JSRP1: variants seen among roughly 807,000 people sequenced by gnomAD.
The protein encoded by JSRP1 is 2310032K21Rik.
Under a neutral mutation model 21.4 loss-of-function variants are expected in JSRP1, and 29 were observed. The ratio of observed to expected loss-of-function variants is 1.36; its 90% confidence interval spans 1.01 to 1.85. The LOEUF (loss-of-function observed/expected upper bound fraction) is 1.85, where lower values mean the gene tolerates loss of function less well. JSRP1 is among the 40% of genes most tolerant of loss of function. The pLI is 0.00. For missense variants in JSRP1, 531 were observed against 461.5 expected (o/e 1.15, Z -1.38); for synonymous variants, 221 against 206.1 (o/e 1.07, Z -0.62).
rs2025084192 is a variant in JSRP1, at chr19:2,252,952, AC to A, written c.487del (p.Val163SerfsTer66). The A allele has an allele frequency of 1.4e-5, 23 of 1,609,896 alleles. No homozygotes were observed. Among genetic ancestry groups the A allele is most frequent in the Non-Finnish European group, 2.0e-5 (23 of 1,178,720 alleles). ...CTCCCTCGGGGCTGAGCTTGGCGGG[AC>A]CCAGGGCTCGGGCACACGTGCTTGG... ...ALQARVPEPW[V>X]PPSSAPREPS... On this transcript the variant is annotated frameshift_variant, in exon 6 of 7. Coordinates refer to ENST00000300961, the MANE Select transcript of JSRP1 (RefSeq NM_144616.4). LOFTEE classifies it low-confidence loss of function (END_TRUNC).
rs1440651594 is a variant in JSRP1 at position 2,252,797 on chromosome 19, C to G, written c.529-1G>C. The G allele has an allele frequency of 1.2e-6, 2 of 1,609,806 alleles. No individual in the cohort carries two copies. Among genetic ancestry groups the G allele is most frequent in the African/African-American group, 2.7e-5 (2 of 74,668 alleles). ...GAGGCGCCTGGGCCTCGAACTTAGG[C>G]TGCAAGACAGAGTGGGGTCCTGGGG... is the stretch of plus-strand genomic sequence containing the variant. On this transcript the variant is annotated splice_acceptor_variant, in intron 6 of 6. Coordinates refer to ENST00000300961, the MANE Select transcript of JSRP1 (RefSeq NM_144616.4). LOFTEE classifies it high-confidence loss of function.
rs908588687 is a variant in JSRP1, at chr19:2,256,410, G to C, written c.-58C>G. ...GCCAGCCGCTTTGCTGAGCCTTGTGGACAGGACGGAGGATGGGGAGGGTGG... is the reference window on the plus strand; with the variant it reads ...GCCAGCCGCTTTGCTGAGCCTTGTGCACAGGACGGAGGATGGGGAGGGTGG... On this transcript the variant is annotated 5_prime_UTR_variant, in exon 1 of 7. Coordinates refer to ENST00000300961, the MANE Select transcript of JSRP1 (RefSeq NM_144616.4). The C allele has an allele frequency of 6.6e-6, 1 of 152,402 alleles. No homozygotes were observed. The highest frequency in any genetic ancestry group is 2.4e-5 in the African/African-American group (1 of 41,462). 9.4% of individuals were successfully genotyped at this position (152,402 alleles called of 1,614,324 possible).
intron 5 of JSRP1, 134 bp downstream of exon 5, chr19:2,253,486 T>C: frequency 1.2e-6 from 1 of 866,802 alleles, no homozygotes; most frequent in Non-Finnish European, 1.6e-6. Flanking sequence ...CAAACCAACT[T>C]TGGGGGCGTG....
intron 1 of JSRP1, among the ~76,000 whole-genome samples, chr19:2,255,973 A>G (rs2025140618): frequency 6.6e-6 from 1 of 152,202 alleles, no homozygotes; most frequent in African/African-American, 2.4e-5. Context: ...CCTGACACAG[A>G]GTACCCTGCC....
intron 1 of JSRP1, among the ~76,000 whole-genome samples, chr19:2,256,101 C>A (rs2025143214): frequency 6.6e-6 from 1 of 152,186 alleles, no homozygotes; most frequent in African/African-American, 2.4e-5. Flanking sequence ...TCTTCAGGGT[C>A]CCCATGGCCT....
chr19:2,252,985 G>A lies in JSRP1; in HGVS notation c.455C>T (p.Ala152Val). The A allele has an allele frequency of 6.2e-7, 1 of 1,605,400 alleles. No individual in the cohort carries two copies. Among genetic ancestry groups the A allele is most frequent in the Non-Finnish European group, 8.5e-7 (1 of 1,176,478 alleles). Residue 152 changes from alanine to valine, a missense_variant, in exon 6 of 7, where the codon GCA becomes GTA. Transcript: ENST00000300961. ...CTCGGGCACACGTGCTTGGAGTGCT[G>A]CCTCCCCAGGGACGGCGTCTGCAGC... ...QLCRDAVPGEAALQARVPEPW... is the reference protein window; with the variant it reads ...QLCRDAVPGEVALQARVPEPW...
chr19:2,254,914 T>C (rs948778218), intron 2 of JSRP1, among the ~76,000 whole-genome samples: 1 of 151,372 alleles, frequency 6.6e-6, no homozygotes, highest in African/African-American at 2.4e-5. Context: ...TAAAAATATA[T>C]AAAAATATAA....
At chr19:2,253,555 C>A in intron 5 of JSRP1, 65 bp downstream of exon 5, 1 of 1,362,766 alleles carries the variant, frequency 7.3e-7, no homozygotes, top group South Asian at 1.6e-5. Flanking sequence ...CAGCGCCTTT[C>A]CTTGGAGGAA....
rs987474471 is a variant in JSRP1 at position 2,253,661 on chromosome 19, G to T, written c.395C>A (p.Ser132Ter). The T allele has an allele frequency of 8.0e-6, 12 of 1,507,894 alleles. No homozygotes were observed. The Admixed American group carries it at 2.5e-4, about 32-fold the overall frequency. The allele number at this position is 1,507,894 out of a possible 1,614,324, so 93.4% of individuals were successfully genotyped here. A position where few individuals can be genotyped will look rare whatever the true frequency, so the allele number is the denominator to read the frequency against. Reference sequence around the variant, plus strand: ...AGCCGAGCCCAGCAGCGCCACCAGCGAGGCGAGCACCAGGCACTTGTTGAG... The same window carrying T: ...AGCCGAGCCCAGCAGCGCCACCAGCTAGGCGAGCACCAGGCACTTGTTGAG... ...LSLNKCLVLASLVALLGSAFQ... is the reference protein window; with the variant it reads ...LSLNKCLVLA Residue 132 changes from serine to a stop codon, truncating the protein, a stop_gained, in exon 5 of 7, where the codon TCG (serine) becomes TAG (stop). Transcript: ENST00000300961. LOFTEE classifies it high-confidence loss of function.
chr19:2,253,671 C>A lies in JSRP1; in HGVS notation c.385G>T (p.Val129Leu). The A allele has an allele frequency of 6.6e-7, 1 of 1,509,834 alleles. No individual in the cohort carries two copies. Among genetic ancestry groups the A allele is most frequent in the Non-Finnish European group, 8.8e-7 (1 of 1,136,052 alleles). The allele number at this position is 1,509,834 out of a possible 1,614,324, so 93.5% of individuals were successfully genotyped here. A position where few individuals can be genotyped will look rare whatever the true frequency, so the allele number is the denominator to read the frequency against. Reference protein sequence around the residue: ...WGDLSLNKCLVLASLVALLGS... With the variant: ...WGDLSLNKCLLLASLVALLGS... ...AGCAGCGCCACCAGCGAGGCGAGCA[C>A]CAGGCACTTGTTGAGCGACAGGTCT... The change falls in exon 5 of 7, where the codon GTG becomes TTG. Residue 129 changes from valine to leucine, a missense_variant. Coordinates refer to ENST00000300961, the MANE Select transcript of JSRP1 (RefSeq NM_144616.4).
rs1043971302 is a variant in JSRP1 at position 2,252,326 on chromosome 19, G to A, written c.*3C>T. Reference sequence around the variant, plus strand: ...GGCCCCTGGACTCCGGCGCGGGGCCGGCTCAGTCCCGCCCCTTGCCTGCGC... The same window carrying A: ...GGCCCCTGGACTCCGGCGCGGGGCCAGCTCAGTCCCGCCCCTTGCCTGCGC... On this transcript the variant is annotated 3_prime_UTR_variant, in exon 7 of 7. Transcript: ENST00000300961. 3 of 1,462,024 alleles carry A rather than the reference G, an allele frequency of 2.1e-6. No homozygotes were observed. The highest frequency in any genetic ancestry group is 2.7e-6 in the Non-Finnish European group (3 of 1,113,118). 90.6% of individuals were successfully genotyped at this position (1,462,024 alleles called of 1,614,324 possible).
At position 2,252,719 on chromosome 19, in the gene JSRP1, G is replaced by A. The variant is rs1461219362; in HGVS notation, c.606C>T (p.Pro202=). The A allele has an allele frequency of 6.2e-7, 1 of 1,612,490 alleles. No individual in the cohort carries two copies. The highest frequency in any genetic ancestry group is 8.5e-7 in the Non-Finnish European group (1 of 1,179,932). Residue 202 remains proline, a synonymous_variant, in exon 7 of 7, where the codon CCC becomes CCT. Transcript: ENST00000300961. The part of the protein sequence containing the change: ...RAEAEVRPKI[P]GSREAAENDE... ...CGTTCTCTGCAGCCTCCCGACTCCC[G>A]GGAATCTTGGGTCTGACCTCTGCCT...
chr19:2,255,215 T>C lies in JSRP1; in HGVS notation c.100A>G (p.Arg34Gly). The C allele has an allele frequency of 6.3e-7, 1 of 1,597,982 alleles. No homozygotes were observed. Among genetic ancestry groups the C allele is most frequent in the South Asian group, 1.1e-5 (1 of 90,316 alleles). The change falls in exon 2 of 7, where the codon AGG becomes GGG. Residue 34 changes from arginine (R) to glycine (G), a missense_variant. Transcript: ENST00000300961. ...HSALAETQED[R>G]ASATPRLADS... ...AGCGCCACAAGGGTACCTGAAGCCCTGTCCTCCTGGGTCTCGGCCAGCGCA... is the reference window on the plus strand; with the variant it reads ...AGCGCCACAAGGGTACCTGAAGCCCCGTCCTCCTGGGTCTCGGCCAGCGCA...
At position 2,252,813 on chromosome 19, in the gene JSRP1, G is replaced by A; in HGVS notation, c.529-17C>T. 1 of 1,602,064 alleles carries A rather than the reference G, an allele frequency of 6.2e-7. No homozygotes were observed. Among genetic ancestry groups the A allele is most frequent in the Non-Finnish European group, 8.5e-7 (1 of 1,173,420 alleles). On this transcript the variant is annotated splice_polypyrimidine_tract_variant and intron_variant, in intron 6 of 6. Transcript: ENST00000300961. ...GAACTTAGGCTGCAAGACAGAGTGGGGTCCTGGGGTAAGCGCCCACCTTCC... is the reference window on the plus strand; with the variant it reads ...GAACTTAGGCTGCAAGACAGAGTGGAGTCCTGGGGTAAGCGCCCACCTTCC...
At chr19:2,254,554 T>C (rs1476862360) in intron 2 of JSRP1, 72 bp from the exon 3 acceptor site, 28 of 1,560,282 alleles carry the variant, frequency 1.8e-5, no homozygotes, top group Non-Finnish European at 2.5e-5. Flanking sequence ...CTGGCCCTGC[T>C]GGGTGACGTG....
intron 5 of JSRP1, 152 bp downstream of exon 5, chr19:2,253,468 G>T: frequency 1.4e-6 from 1 of 695,188 alleles, no homozygotes; most frequent in Non-Finnish European, 2.2e-6. Context: ...CACTTAAGGG[G>T]AGATGCACAA....
In JSRP1 at chr19:2,255,200, G is replaced by A. The variant is rs569952396; in HGVS notation, c.109+6C>T. The A allele has an allele frequency of 1.3e-6, 2 of 1,582,342 alleles. No homozygotes were observed. The highest frequency in any genetic ancestry group is 4.5e-5 in the East Asian group (2 of 44,086). On this transcript the variant is annotated splice_donor_region_variant and intron_variant, in intron 2 of 6. Coordinates refer to ENST00000300961, the MANE Select transcript of JSRP1 (RefSeq NM_144616.4). ...GGGCTTCCTCCCGCCAGCGCCACAA[G>A]GGTACCTGAAGCCCTGTCCTCCTGG...
In JSRP1 at chr19:2,254,498, C is replaced by CCTCT; in HGVS notation, c.110-17_110-16insAGAG. The stretch of plus-strand genomic sequence containing the variant: ...CTGGGTGTCGCTGTGGGAACACAGG[C>CCTCT]AGAGTCAAGGTTGTGGGGACCCCCA... On this transcript the variant is annotated splice_polypyrimidine_tract_variant and intron_variant, in intron 2 of 6. Coordinates refer to ENST00000300961, the MANE Select transcript of JSRP1 (RefSeq NM_144616.4). 1 of 1,612,568 alleles carries CCTCT rather than the reference C, an allele frequency of 6.2e-7. No individual in the cohort carries two copies. The highest frequency in any genetic ancestry group is 8.5e-7 in the Non-Finnish European group (1 of 1,179,924).
rs770534296 is a variant in JSRP1 at position 2,252,594 on chromosome 19, T to G, written c.731A>C (p.Lys244Thr). The change falls in exon 7 of 7, where the codon AAG (lysine) becomes ACG (threonine). Residue 244 changes from lysine (K) to threonine (T), a missense_variant. Lys to Thr is a moderately conservative substitution (Grantham distance 78). Coordinates refer to ENST00000300961, the MANE Select transcript of JSRP1 (RefSeq NM_144616.4). ...GPKERPRREGKPRKEKPRKEE... is the reference protein window; with the variant it reads ...GPKERPRREGTPRKEKPRKEE... ...CTTCCGCGGCTTCTCCTTCCGCGGC[T>G]TCCCCTCTCTCCGAGGCCTCTCCTT... is the stretch of plus-strand genomic sequence containing the variant. The G allele has an allele frequency of 6.2e-7, 1 of 1,612,748 alleles. No homozygotes were observed. Among genetic ancestry groups the G allele is most frequent in the Non-Finnish European group, 8.5e-7 (1 of 1,179,886 alleles).
Sources: gnomAD v4.1 joint callset for allele counts (sites outside exome capture counted in the v4.1 genomes callset) on GRCh38, gnomAD v4.1.1 for gene constraint, MANE v1.5 for transcripts, NCBI Gene and HGNC (gene_info 2026-07-23, HGNC 2026-07-21) for gene names.